The following CHL1 variants were observed in gnomAD, a reference collection of about 807,000 sequenced individuals.
CHL1 encodes neural cell adhesion molecule L1-like protein.
A neutral mutation model predicts 141.9 loss-of-function variants in CHL1; 96 were observed. That is an observed-to-expected ratio of 0.68 (90% CI 0.57 to 0.80). The LOEUF (loss-of-function observed/expected upper bound fraction) is 0.80, where lower values mean the gene tolerates loss of function less well. CHL1 is among the 30% of genes least tolerant of loss of function. The probability of loss-of-function intolerance (pLI) is 0.00; values close to 1 mark genes in which losing one functional copy is unlikely to be tolerated. For synonymous variants in CHL1, 613 were observed against 502.2 expected (o/e 1.22, Z -2.95); for missense variants, 1,820 against 1,457.2 (o/e 1.25, Z -4.05).
intron 2 of CHL1, among the ~76,000 whole-genome samples, chr3:298,095 G>C (rs1411453314): frequency 1.3e-5 from 2 of 152,030 alleles, no homozygotes; most frequent in Non-Finnish European, 2.9e-5. Context: ...TATTTTCAGT[G>C]GTTATAACTC....
At chr3:263,036 A>G (rs1336074435) in intron 2 of CHL1, among the ~76,000 whole-genome samples, 4 of 152,218 alleles carry the variant, frequency 2.6e-5, no homozygotes, top group Non-Finnish European at 5.9e-5. Context: ...TCGCCTTGAA[A>G]CATGAAGACC....
At chr3:200,356 A>T (rs1698804834) in intron 1 of CHL1, among the ~76,000 whole-genome samples, 3 of 152,200 alleles carry the variant, frequency 2.0e-5, no homozygotes, top group Non-Finnish European at 4.4e-5. Flanking sequence ...TTGGGGACCT[A>T]ATTGAAATGC....
At position 395,581 on chromosome 3, in the gene CHL1, G is replaced by A. The variant is rs565126993; in HGVS notation, c.3094+709G>A. 5.9e-5 allele frequency among the ~76,000 whole-genome samples: 9 copies of A among 152,356 alleles called. No homozygotes were observed. The South Asian group carries it at 1.9e-3, about 32-fold the overall frequency. ...TGATGTACACACGAAGTGAAACAGA[G>A]AGAGATTTATGTAGGGCTTAGGCTG... On this transcript the variant is annotated intron_variant, in intron 24 of 27. Coordinates refer to ENST00000256509, the MANE Select transcript of CHL1 (RefSeq NM_006614.4).
chr3:330,043 T>G (rs1439788635), intron 5 of CHL1, among the ~76,000 whole-genome samples: 1 of 152,018 alleles, frequency 6.6e-6, no homozygotes, highest in African/African-American at 2.4e-5. Flanking sequence ...CTCCATCTAA[T>G]GAAAACACAT....
chr3:389,716 T>C lies in CHL1; in HGVS notation c.2470+242T>C, dbSNP rs1038310134. On this transcript the variant is annotated intron_variant, in intron 20 of 27. Transcript: ENST00000256509. ...CATTTTATTCAGTTTCCTATAAAGC[T>C]CTTTCTACATTGAAAATTGAAGACC... Among the ~76,000 whole-genome samples the C allele has an allele frequency of 1.1e-4, 17 of 152,272 alleles. 1 individual carries two copies. In the East Asian group the frequency reaches 3.3e-3, roughly 29 times the overall value.
intron 2 of CHL1, among the ~76,000 whole-genome samples, chr3:299,035 T>C (rs1698466659): frequency 3.3e-5 from 5 of 152,324 alleles, no homozygotes; most frequent in African/African-American, 1.2e-4. Flanking sequence ...ATGGAATTTG[T>C]ACAAGTTTTG....
At chr3:393,219 C>A (rs796714168) in intron 23 of CHL1, among the ~76,000 whole-genome samples, 2 of 129,514 alleles carry the variant, frequency 1.5e-5, no homozygotes, top group East Asian at 4.3e-4. Flanking sequence ...GGCGACAGAG[C>A]CAGACTCCGT....
At chr3:287,827 A>C (rs1467817843) in intron 2 of CHL1, among the ~76,000 whole-genome samples, 1 of 151,656 alleles carries the variant, frequency 6.6e-6, no homozygotes, top group African/African-American at 2.4e-5. Context: ...GTGCAGTGGC[A>C]CGATCTCAGT....
At chr3:235,482 T>C (rs954252925) in intron 1 of CHL1, among the ~76,000 whole-genome samples, 8 of 152,188 alleles carry the variant, frequency 5.3e-5, no homozygotes, top group Admixed American at 5.2e-4. Flanking sequence ...TGTATAAATG[T>C]ATCCCATTAT....
At chr3:346,091 T>A (rs1475243085) in intron 9 of CHL1, among the ~76,000 whole-genome samples, 5 of 152,178 alleles carry the variant, frequency 3.3e-5, no homozygotes, top group African/African-American at 1.2e-4. Context: ...GGATTTGAAA[T>A]TCAAAAAATC....
chr3:304,946 G>A (rs976803708), intron 2 of CHL1, among the ~76,000 whole-genome samples: 1 of 151,952 alleles, frequency 6.6e-6, no homozygotes, highest in African/African-American at 2.4e-5. Flanking sequence ...GACTTGGTGG[G>A]AGCTTTTATT....
intron 1 of CHL1, among the ~76,000 whole-genome samples, chr3:242,361 C>T (rs1201505876): frequency 6.8e-5 from 10 of 146,836 alleles, no homozygotes; most frequent in Non-Finnish European, 1.2e-4. Context: ...CTTTGGGAGG[C>T]TGAGGGGGGC....
intron 2 of CHL1, among the ~76,000 whole-genome samples, chr3:295,678 TA>T (rs1384578427): frequency 1.3e-5 from 2 of 152,214 alleles, no homozygotes; most frequent in Non-Finnish European, 2.9e-5. Context: ...TTTGGATATG[TA>T]ATTTGAATGG....
chr3:353,705 A>G (rs532543151), intron 10 of CHL1, among the ~76,000 whole-genome samples: 40 of 152,266 alleles, frequency 2.6e-4, no homozygotes, highest in African/African-American at 9.4e-4. Flanking sequence ...TTTTCATTGT[A>G]TACATACATA....
intron 15 of CHL1, among the ~76,000 whole-genome samples, chr3:369,531 C>A (rs1226918525): frequency 6.6e-6 from 1 of 152,230 alleles, no homozygotes; most frequent in African/African-American, 2.4e-5. Context: ...AATATAAAAT[C>A]ATGTCATCTG....
chr3:386,670 G>A (rs142363868), intron 19 of CHL1, among the ~76,000 whole-genome samples: 1 of 152,152 alleles, frequency 6.6e-6, no homozygotes, highest in Admixed American at 6.6e-5. Flanking sequence ...CCCCACTAAT[G>A]TTGGGAAGCA....
chr3:279,768 G>T (rs1696467947), intron 2 of CHL1, among the ~76,000 whole-genome samples: 2 of 152,194 alleles, frequency 1.3e-5, no homozygotes, highest in South Asian at 4.1e-4. Context: ...GACAATGAGA[G>T]AAGTGGGCAG....
chr3:308,611 T>C (rs1699453770), intron 2 of CHL1: 1 of 149,686 alleles, frequency 6.7e-6, no homozygotes, highest in African/African-American at 2.4e-5. Flanking sequence ...TTATAGAACA[T>C]ATATATGTTA....
At chr3:395,382 G>A (rs1708586395) in intron 24 of CHL1, among the ~76,000 whole-genome samples, 2 of 152,180 alleles carry the variant, frequency 1.3e-5, no homozygotes, top group South Asian at 2.1e-4. Flanking sequence ...GCTTATAAAT[G>A]TATGGTTTCA....
Sources: gnomAD v4.1 joint callset for allele counts (sites outside exome capture counted in the v4.1 genomes callset) on GRCh38, gnomAD v4.1.1 for gene constraint, MANE v1.5 for transcripts, NCBI Gene and HGNC (gene_info 2026-07-23, HGNC 2026-07-21) for gene names.